The following KCNN2 variants were observed in gnomAD, a reference collection of about 807,000 sequenced individuals.
KCNN2 encodes potassium calcium-activated channel subfamily N member 2.
In KCNN2, 24 loss-of-function variants were observed where a neutral mutation model predicts 55.5. The observed-to-expected ratio is 0.43, with a 90% CI of 0.31 to 0.61. The LOEUF (loss-of-function observed/expected upper bound fraction) is 0.61. Ranked by LOEUF, KCNN2 falls within the 20% of genes least tolerant of loss-of-function variation. The pLI is 0.08. For synonymous variants in KCNN2, 431 were observed against 336.1 expected (o/e 1.28, Z -3.09); for missense variants, 754 against 853.6 (o/e 0.88, Z 1.45).
At chr5:114,162,605 C>A (rs1752812290) in intron 1 of KCNN2, among the ~76,000 whole-genome samples, 1 of 152,158 alleles carries the variant, frequency 6.6e-6, no homozygotes, top group African/African-American at 2.4e-5. Context: ...CAGAGTTGGA[C>A]CCTACAGAAG....
intron 2 of KCNN2, among the ~76,000 whole-genome samples, chr5:114,246,513 A>G (rs537632236): frequency 6.6e-6 from 1 of 152,306 alleles, no homozygotes; most frequent in East Asian, 1.9e-4. Flanking sequence ...TAAAACTCAG[A>G]AAGGCTATAA....
chr5:114,361,710 G>C (rs1438731169), upstream of KCNN2, among the ~76,000 whole-genome samples: 10 of 152,176 alleles, frequency 6.6e-5, no homozygotes, highest in Non-Finnish European at 1.5e-4. Flanking sequence ...CAGCGCGTCC[G>C]GCACTAGTCA....
chr5:114,320,836 G>A (rs1214718411), intron 2 of KCNN2, among the ~76,000 whole-genome samples: 1 of 152,118 alleles, frequency 6.6e-6, no homozygotes, highest in Non-Finnish European at 1.5e-5. Flanking sequence ...TTTAGTTGAT[G>A]CTATCTTTTT....
chr5:114,495,728 A>G (rs1748082003), intron 7 of KCNN2, among the ~76,000 whole-genome samples, 167 bp from the exon 8 acceptor site: 1 of 152,202 alleles, frequency 6.6e-6, no homozygotes, highest in African/African-American at 2.4e-5. Context: ...AAATCCTGGC[A>G]TTGAACACAT....
intron 2 of KCNN2, among the ~76,000 whole-genome samples, chr5:114,308,920 A>C (rs1486249251): frequency 6.6e-6 from 1 of 152,226 alleles, no homozygotes; most frequent in Non-Finnish European, 1.5e-5. Context: ...TAATGTATAG[A>C]AAACTTATTT....
chr5:114,197,527 T>C (rs1414241367), intron 1 of KCNN2, among the ~76,000 whole-genome samples: 1 of 152,178 alleles, frequency 6.6e-6, no homozygotes, highest in Admixed American at 6.5e-5. Context: ...TCCAATGAGT[T>C]AGTGGGGACA....
chr5:114,456,385 G>C (rs959255160), intron 3 of KCNN2, among the ~76,000 whole-genome samples: 16 of 152,060 alleles, frequency 1.1e-4, no homozygotes, highest in Admixed American at 4.6e-4. Flanking sequence ...GAGTTCTGTT[G>C]CTCAAAACAA....
intron 2 of KCNN2, among the ~76,000 whole-genome samples, chr5:114,316,879 A>G (rs1756511830): frequency 6.6e-6 from 1 of 152,204 alleles, no homozygotes; most frequent in Non-Finnish European, 1.5e-5. Context: ...GTCCACATGC[A>G]CAAGAAAAAG....
intron 2 of KCNN2, among the ~76,000 whole-genome samples, chr5:114,285,373 G>A (rs1285565440): frequency 1.3e-5 from 2 of 151,888 alleles, no homozygotes; most frequent in East Asian, 3.9e-4. Flanking sequence ...GAAACACATG[G>A]AGGAAAGAAT....
intron 3 of KCNN2, among the ~76,000 whole-genome samples, chr5:114,429,487 C>A (rs1274318410): frequency 5.3e-5 from 8 of 152,008 alleles, no homozygotes; most frequent in Non-Finnish European, 2.9e-5. Flanking sequence ...TGCCCATTTT[C>A]TAAATCGGGT....
Position 114,496,282 on chromosome 5 carries a change from G to A in KCNN2, c.*100G>A, listed in dbSNP as rs1376956199. The A allele has an allele frequency of 3.0e-5, 38 of 1,274,196 alleles. No homozygotes were observed. The highest frequency in any genetic ancestry group is 4.9e-5 in the East Asian group (2 of 40,982). 78.9% of individuals were successfully genotyped at this position (1,274,196 alleles called of 1,614,324 possible). A position where few individuals can be genotyped will look rare whatever the true frequency, so the allele number is the denominator to read the frequency against. On this transcript the variant is annotated 3_prime_UTR_variant, in exon 8 of 8. Transcript: ENST00000673685. ...CCTATGGTTCTAATCAGCGTTATCCGGGTTCTGATGTCAGAATCCTGGGAA... is the reference window on the plus strand; with the variant it reads ...CCTATGGTTCTAATCAGCGTTATCCAGGTTCTGATGTCAGAATCCTGGGAA...
At chr5:114,465,428 C>A (rs2150117557) in intron 4 of KCNN2, among the ~76,000 whole-genome samples, 1 of 152,208 alleles carries the variant, frequency 6.6e-6, no homozygotes, top group South Asian at 2.1e-4. Flanking sequence ...ACCTGACCAA[C>A]ATGGAGAAAC....
intron 4 of KCNN2, 80 bp from the exon 5 acceptor site, chr5:114,472,974 G>C (rs1761819055): frequency 1.3e-6 from 1 of 755,288 alleles, no homozygotes; most frequent in Non-Finnish European, 2.1e-6. Context: ...TTTTGCATTT[G>C]ATGCAAAACA....
intron 1 of KCNN2, among the ~76,000 whole-genome samples, chr5:114,064,652 G>A (rs1422227972): frequency 6.6e-6 from 1 of 152,112 alleles, no homozygotes; most frequent in Non-Finnish European, 1.5e-5. Context: ...ATTTAGCTTT[G>A]GGTAGCATGT....
intron 1 of KCNN2, among the ~76,000 whole-genome samples, chr5:114,092,627 C>A (rs1394063218): frequency 6.6e-6 from 1 of 152,234 alleles, no homozygotes; most frequent in Non-Finnish European, 1.5e-5. Flanking sequence ...CTGCATCACA[C>A]TTCTGCCTGG....
At chr5:114,382,524 A>G (rs941046460) in intron 2 of KCNN2, among the ~76,000 whole-genome samples, 1 of 152,214 alleles carries the variant, frequency 6.6e-6, no homozygotes, top group African/African-American at 2.4e-5. Flanking sequence ...TTTGTGTGCC[A>G]TGTGATTACA....
intron 2 of KCNN2, among the ~76,000 whole-genome samples, chr5:114,261,968 T>C (rs140164238): frequency 9.2e-5 from 14 of 152,264 alleles, no homozygotes; most frequent in African/African-American, 3.4e-4. Flanking sequence ...TAGGGGAGGC[T>C]AGTTCAAAAC....
intron 1 of KCNN2, among the ~76,000 whole-genome samples, chr5:114,220,079 G>C (rs1754100330): frequency 6.6e-6 from 1 of 152,108 alleles, no homozygotes; most frequent in Non-Finnish European, 1.5e-5. Context: ...TAGGCCTACA[G>C]GTCATATAGT....
chr5:114,320,208 T>C (rs1005777033), intron 2 of KCNN2, among the ~76,000 whole-genome samples: 1 of 152,218 alleles, frequency 6.6e-6, no homozygotes, highest in Non-Finnish European at 1.5e-5. Context: ...CAACATACCC[T>C]GTCCTTCCTT....
Sources: allele counts gnomAD v4.1 joint callset (sites outside exome capture counted in the v4.1 genomes callset), GRCh38; gene constraint gnomAD v4.1.1; transcripts MANE v1.5; gene names NCBI Gene and HGNC (gene_info 2026-07-23, HGNC 2026-07-21).